Variants in SHROOM3 observed in about 807,000 individuals in gnomAD.
SHROOM3 encodes the protein protein Shroom3.
Under a neutral mutation model 138.6 loss-of-function variants are expected in SHROOM3, and 47 were observed. The observed-to-expected ratio is 0.34, with a 90% confidence interval of 0.27 to 0.43. The LOEUF is 0.43. Among genes scored for constraint, SHROOM3 ranks in the 20% least tolerant of loss-of-function variants. The pLI, the probability that SHROOM3 is intolerant of heterozygous loss-of-function variation, is 1.00. For synonymous variants in SHROOM3, 1,062 were observed against 1,063.3 expected (o/e 1.00, Z 0.02); for missense variants, 2,491 against 2,596.5 (o/e 0.96, Z 0.88).
At position 76,778,898 on chromosome 4, in the gene SHROOM3, A is replaced by G; in HGVS notation, c.5712A>G (p.Val1904=). 1 of 1,613,532 alleles carries G rather than the reference A, an allele frequency of 6.2e-7. No individual in the cohort carries two copies. Among genetic ancestry groups the G allele is most frequent in the South Asian group, 1.1e-5 (1 of 91,052 alleles). The change falls in exon 11 of 11, where the codon GTA becomes GTG. Residue 1904 remains valine, a synonymous_variant. Coordinates refer to ENST00000296043, the MANE Select transcript of SHROOM3 (RefSeq NM_020859.4). The part of the protein sequence containing the change: ...LKENLDRRER[V]VLGILANYLS... ...AGAACCTGGATCGCAGGGAGCGAGT[A>G]GTGCTGGGCATCTTGGCCAATTACC...
chr4:76,619,509 T>C (rs1392836763), intron 2 of SHROOM3, among the ~76,000 whole-genome samples: 1 of 152,228 alleles, frequency 6.6e-6, no homozygotes, highest in Non-Finnish European at 1.5e-5. Flanking sequence ...TCTGAAATAC[T>C]GAGTAATCCC....
chr4:76,472,686 TG>T (rs1731398323), intron 1 of SHROOM3, among the ~76,000 whole-genome samples: 1 of 131,132 alleles, frequency 7.6e-6, no homozygotes, highest in African/African-American at 2.8e-5. Context: ...CCTTGGGGAA[TG>T]TTTCTTTCTT....
chr4:76,495,675 T>G (rs1032378638), intron 1 of SHROOM3, among the ~76,000 whole-genome samples: 5 of 152,226 alleles, frequency 3.3e-5, no homozygotes, highest in African/African-American at 9.6e-5. Flanking sequence ...AGGGCTCATT[T>G]TTCCTGATGT....
intron 1 of SHROOM3, among the ~76,000 whole-genome samples, chr4:76,502,326 G>C (rs1208837486): frequency 6.6e-6 from 1 of 152,204 alleles, no homozygotes. Flanking sequence ...AGTTCTGTGA[G>C]ACACTCTAGC....
At chr4:76,473,293 A>G (rs1439456182) in intron 1 of SHROOM3, among the ~76,000 whole-genome samples, 2 of 152,230 alleles carry the variant, frequency 1.3e-5, no homozygotes, top group African/African-American at 4.8e-5. Context: ...TATCTAGACT[A>G]TATGAAGAAT....
At chr4:76,735,882 T>A (rs1421545146) in intron 4 of SHROOM3, among the ~76,000 whole-genome samples, 8 of 50,340 alleles carry the variant, frequency 1.6e-4, no homozygotes, top group Admixed American at 4.8e-4. Flanking sequence ...TATATATATA[T>A]ATATATATAT....
chr4:76,701,041 T>C (rs1156802712), intron 2 of SHROOM3, among the ~76,000 whole-genome samples: 1 of 152,204 alleles, frequency 6.6e-6, no homozygotes, highest in Non-Finnish European at 1.5e-5. Context: ...TGCTTTGGCC[T>C]CCCAAAGTGC....
intron 1 of SHROOM3, among the ~76,000 whole-genome samples, chr4:76,449,847 T>C (rs1046827809): frequency 6.6e-6 from 1 of 152,220 alleles, no homozygotes; most frequent in Non-Finnish European, 1.5e-5. Flanking sequence ...CATTGTTCCT[T>C]CTTTTAGTTA....
rs545216034 is a variant in SHROOM3 at position 76,643,337 on chromosome 4, T to A, written c.324-66819T>A. Among the ~76,000 whole-genome samples, 6 of 152,262 alleles carry A rather than the reference T, an allele frequency of 3.9e-5. No individual in the cohort carries two copies. In the East Asian group the frequency reaches 1.2e-3, roughly 29 times the overall value. ...ATCCTCAGAACACCCCTTTGTAGTA[T>A]TATTATTGGCCCCACTTGACAGATA... On this transcript the variant is annotated intron_variant, in intron 2 of 10. Transcript: ENST00000296043.
chr4:76,493,570 A>G (rs1239320219), intron 1 of SHROOM3, among the ~76,000 whole-genome samples: 2 of 152,166 alleles, frequency 1.3e-5, no homozygotes, highest in Admixed American at 1.3e-4. Flanking sequence ...GAAGGGACTA[A>G]GATACATATT....
chr4:76,680,030 C>T (rs919577150), intron 2 of SHROOM3, among the ~76,000 whole-genome samples: 1 of 152,214 alleles, frequency 6.6e-6, no homozygotes, highest in African/African-American at 2.4e-5. Context: ...TCACATCAAC[C>T]CTGTTGAGAG....
intron 2 of SHROOM3, among the ~76,000 whole-genome samples, chr4:76,625,224 T>C (rs1735106813): frequency 6.6e-6 from 1 of 152,216 alleles, no homozygotes; most frequent in South Asian, 2.1e-4. Flanking sequence ...TAAATTCTAA[T>C]AGGTGCTATT....
At chr4:76,556,386 G>T (rs1481962585) in intron 2 of SHROOM3, among the ~76,000 whole-genome samples, 2 of 152,192 alleles carry the variant, frequency 1.3e-5, no homozygotes, top group East Asian at 3.9e-4. Context: ...AGTAAGCACT[G>T]CTTGAGACAT....
Position 76,778,828 on chromosome 4 carries a change from G to A in SHROOM3, c.5642G>A (p.Arg1881Lys). 1 of 1,612,376 alleles carries A rather than the reference G, an allele frequency of 6.2e-7. No individual in the cohort carries two copies. The highest frequency in any genetic ancestry group is 8.5e-7 in the Non-Finnish European group (1 of 1,180,012). Residue 1881 changes from arginine to lysine, a missense_variant, in exon 11 of 11, where the codon AGG (arginine) becomes AAG (lysine). Physicochemically the swap from Arg to Lys is conservative, Grantham distance 26. Coordinates refer to ENST00000296043, the MANE Select transcript of SHROOM3 (RefSeq NM_020859.4). ...TGGCAGAGCTCTCTTTACGAGAAAAGGAAGATCCTGGCTGGTCAGCATGAG... is the reference window on the plus strand; with the variant it reads ...TGGCAGAGCTCTCTTTACGAGAAAAAGAAGATCCTGGCTGGTCAGCATGAG... ...NEERSSLYEK[R>K]KILAGQHEDA...
At chr4:76,574,312 A>G (rs543965362) in intron 2 of SHROOM3, among the ~76,000 whole-genome samples, 1 of 152,258 alleles carries the variant, frequency 6.6e-6, no homozygotes, top group African/African-American at 2.4e-5. Context: ...ATAGGTTACA[A>G]TGGTTGTCAA....
intron 2 of SHROOM3, among the ~76,000 whole-genome samples, chr4:76,626,074 A>G (rs1374248628): frequency 6.6e-6 from 1 of 152,224 alleles, no homozygotes; most frequent in African/African-American, 2.4e-5. Context: ...ATAACTCTGC[A>G]GGAGGCAGCT....
In SHROOM3 at chr4:76,436,168, G is replaced by GT; in HGVS notation, c.120dup (p.Thr41TyrfsTer16). On this transcript the variant is annotated frameshift_variant, in exon 1 of 11. Transcript: ENST00000296043. LOFTEE classifies it high-confidence loss of function. ...TTCCTGGAGGGAGGAGCTCCCTGGG[G>GT]TTTTACTCTAAAGGGTGGCCTGGAG... The GT allele has an allele frequency of 6.2e-7, 1 of 1,614,060 alleles. No homozygotes were observed.
chr4:76,437,235 T>C (rs1433640128), intron 1 of SHROOM3, among the ~76,000 whole-genome samples: 1 of 152,166 alleles, frequency 6.6e-6, no homozygotes, highest in Non-Finnish European at 1.5e-5. Flanking sequence ...TGTATGACTT[T>C]TCCTTAACTT....
chr4:76,492,939 AG>A, intron 1 of SHROOM3, among the ~76,000 whole-genome samples: 1 of 152,066 alleles, frequency 6.6e-6, no homozygotes, highest in Non-Finnish European at 1.5e-5. Context: ...AAGATGATGC[AG>A]TTGGGCACGG....
Sources: allele counts gnomAD v4.1 joint callset (sites outside exome capture counted in the v4.1 genomes callset), GRCh38; gene constraint gnomAD v4.1.1; transcripts MANE v1.5; gene names NCBI Gene and HGNC (gene_info 2026-07-23, HGNC 2026-07-21).